Variants in KCNH7 observed in about 807,000 individuals in gnomAD.
KCNH7 encodes the protein potassium voltage-gated channel subfamily H member 7.
KCNH7 carries 49 observed loss-of-function variants against 120.8 expected under a neutral mutation model. The observed-to-expected ratio is 0.41, with a 90% CI of 0.32 to 0.51. The LOEUF (loss-of-function observed/expected upper bound fraction) is 0.51, where lower values mean the gene tolerates loss of function less well. Ranked by LOEUF, KCNH7 falls within the 20% of genes least tolerant of loss-of-function variation. KCNH7 has a pLI of 0.38. For missense variants in KCNH7, 1,097 were observed against 1,446.6 expected (o/e 0.76, Z 3.92); for synonymous variants, 547 against 516.1 (o/e 1.06, Z -0.81).
chr2:162,496,398 C>T (rs775593452), intron 6 of KCNH7, among the ~76,000 whole-genome samples: 3 of 152,046 alleles, frequency 2.0e-5, no homozygotes, highest in South Asian at 4.2e-4. Flanking sequence ...GGCCCGCATG[C>T]GCACTGGGGG....
Position 162,721,718 on chromosome 2 carries a change from CA to C in KCNH7, c.307+114818del, listed in dbSNP as rs1687329860. Among the ~76,000 whole-genome samples the C allele has an allele frequency of 3.9e-5, 6 of 151,954 alleles. No individual in the cohort carries two copies. The South Asian group carries it at 1.2e-3, about 32-fold the overall frequency. On this transcript the variant is annotated intron_variant, in intron 2 of 15. Transcript: ENST00000332142. ...CTAAGTAAATTTTTTACACCAAATT[CA>C]AAGACATTTTGAAGGCCTGAGGTCT... is the stretch of plus-strand genomic sequence containing the variant.
chr2:162,794,808 A>G (rs1684079643), intron 2 of KCNH7, among the ~76,000 whole-genome samples: 1 of 152,026 alleles, frequency 6.6e-6, no homozygotes, highest in South Asian at 2.1e-4. Flanking sequence ...TCAAACTATA[A>G]CATAGTTTAA....
chr2:162,638,872 G>A (rs1302738303), intron 2 of KCNH7, among the ~76,000 whole-genome samples: 1 of 152,242 alleles, frequency 6.6e-6, no homozygotes, highest in African/African-American at 2.4e-5. Flanking sequence ...ATTCACTGGT[G>A]AACTGCAAGC....
At chr2:162,631,272 T>C (rs1035241491) in intron 2 of KCNH7, among the ~76,000 whole-genome samples, 2 of 152,168 alleles carry the variant, frequency 1.3e-5, no homozygotes, top group African/African-American at 4.8e-5. Context: ...ACTCTATTAC[T>C]GACTCTTTAC....
chr2:162,455,674 A>T (rs1688939209), intron 6 of KCNH7, among the ~76,000 whole-genome samples: 1 of 152,066 alleles, frequency 6.6e-6, no homozygotes, highest in African/African-American at 2.4e-5. Flanking sequence ...GGGATGGTGT[A>T]TGTGTCCAGG....
At chr2:162,648,953 A>G (rs1343620095) in intron 2 of KCNH7, among the ~76,000 whole-genome samples, 2 of 152,194 alleles carry the variant, frequency 1.3e-5, no homozygotes, top group South Asian at 2.1e-4. Context: ...ACTTATGTCT[A>G]CATATAAAAT....
chr2:162,420,585 G>A (rs555684762), intron 9 of KCNH7, among the ~76,000 whole-genome samples: 2 of 152,254 alleles, frequency 1.3e-5, no homozygotes, highest in Admixed American at 1.3e-4. Flanking sequence ...AGGGATTAAA[G>A]GATATGGCCA....
Position 162,380,007 on chromosome 2 carries a change from G to T in KCNH7, c.2977C>A (p.Arg993=). 3 of 1,613,890 alleles carry T rather than the reference G, an allele frequency of 1.9e-6. No individual in the cohort carries two copies. The highest frequency in any genetic ancestry group is 2.5e-6 in the Non-Finnish European group (3 of 1,179,864). Residue 993 remains arginine (R), a synonymous_variant, in exon 14 of 16, where the codon CGA becomes AGA. Transcript: ENST00000332142. ...TGTGCATTTTCTCGTTCCCAGCTTC[G>T]CATGTCAGTGATATCTGTGGAAAAT... ...SHSCKDITDM[R]SWERENAHPQ... is the part of the protein sequence containing the mutation.
rs1195986422 is a variant in KCNH7, at chr2:162,517,780, C to A, written c.842G>T (p.Gly281Val). ...TATGTTCTTGGGGTGGACGCCGAATCCTTCTATATCATGGACCGAAGATGC... is the reference window on the plus strand; with the variant it reads ...TATGTTCTTGGGGTGGACGCCGAATACTTCTATATCATGGACCGAAGATGC... ...RRASSVHDIE[G>V]FGVHPKNIFR... Residue 281 changes from glycine (G) to valine (V), a missense_variant, in exon 4 of 16, where the codon GGA becomes GTA. Gly to Val is a moderately radical substitution (Grantham distance 109). Around this residue, in one of 8 missense-constraint regions of KCNH7, gnomAD observed 362 missense variants for 372.2 expected, o/e 0.97. Transcript: ENST00000332142. The A allele has an allele frequency of 1.9e-6, 3 of 1,588,886 alleles. No individual in the cohort carries two copies. The highest frequency in any genetic ancestry group is 2.6e-6 in the Non-Finnish European group (3 of 1,160,226).
At chr2:162,710,408 T>C (rs1023842915) in intron 2 of KCNH7, among the ~76,000 whole-genome samples, 4 of 152,206 alleles carry the variant, frequency 2.6e-5, no homozygotes, top group African/African-American at 4.8e-5. Flanking sequence ...CCCAAGCCTA[T>C]TTATTGTTTG....
At chr2:162,512,493 T>A (rs1159855932) in intron 5 of KCNH7, among the ~76,000 whole-genome samples, 161 bp downstream of exon 5, 1 of 151,764 alleles carries the variant, frequency 6.6e-6, no homozygotes, top group African/African-American at 2.4e-5. Flanking sequence ...AATAACAATG[T>A]CTGTAGCAAA....
At chr2:162,600,261 G>A (rs112415000) in intron 2 of KCNH7, among the ~76,000 whole-genome samples, 7 of 152,138 alleles carry the variant, frequency 4.6e-5, no homozygotes, top group African/African-American at 1.7e-4. Context: ...CTACACTGGG[G>A]CTTAGAGGAA....
At chr2:162,526,042 G>A (rs552252096) in intron 3 of KCNH7, among the ~76,000 whole-genome samples, 5 of 151,918 alleles carry the variant, frequency 3.3e-5, no homozygotes, top group Non-Finnish European at 7.4e-5. Context: ...CGGCCAGTCT[G>A]AGAAATAAAG....
Position 162,371,916 on chromosome 2 carries a change from A to G in KCNH7, c.3504T>C (p.His1168=), listed in dbSNP as rs758195799. Residue 1168 remains histidine, a synonymous_variant, in exon 16 of 16, where the codon CAT becomes CAC. Transcript: ENST00000332142. Reference sequence around the variant, plus strand: ...TTAGGGATGAATCTGGCAAAGAAGGATGCCTAATTGGATGAACGTAAGTTT... The same window carrying G: ...TTAGGGATGAATCTGGCAAAGAAGGGTGCCTAATTGGATGAACGTAAGTTT... The part of the protein sequence containing the change: ...QRKTYVHPIR[H]PSLPDSSLST... 10 of 1,613,878 alleles carry G rather than the reference A, an allele frequency of 6.2e-6. No individual in the cohort carries two copies. The South Asian group carries it at 1.1e-4, about 18-fold the overall frequency.
At chr2:162,463,073 G>A (rs903074989) in intron 6 of KCNH7, among the ~76,000 whole-genome samples, 1 of 151,906 alleles carries the variant, frequency 6.6e-6, no homozygotes, top group Admixed American at 6.6e-5. Context: ...AATCAATTAA[G>A]AGTCTGTAAA....
chr2:162,739,204 A>G (rs1192763735), intron 2 of KCNH7, among the ~76,000 whole-genome samples: 2 of 151,932 alleles, frequency 1.3e-5, no homozygotes, highest in African/African-American at 4.8e-5. Context: ...CCTCCCTTGT[A>G]TGCCTGTTCT....
At chr2:162,522,448 T>C (rs1054124417) in intron 3 of KCNH7, among the ~76,000 whole-genome samples, 5 of 151,864 alleles carry the variant, frequency 3.3e-5, no homozygotes, top group African/African-American at 1.2e-4. Context: ...CCATGTTATA[T>C]TGCATTACAG....
At chr2:162,464,123 T>C (rs1689236720) in intron 6 of KCNH7, among the ~76,000 whole-genome samples, 1 of 152,024 alleles carries the variant, frequency 6.6e-6, no homozygotes, top group African/African-American at 2.4e-5. Flanking sequence ...ACATGAATCA[T>C]CTGAAATAAA....
chr2:162,773,376 T>C lies in KCNH7; in HGVS notation c.307+63161A>G, dbSNP rs1407117403. ...GGTGGCATGCACCTGCAGTCCTAAC[T>C]ACTTGGGAGGCTGAGGCATGAGAAT... On this transcript the variant is annotated intron_variant, in intron 2 of 15. Coordinates refer to ENST00000332142, the MANE Select transcript of KCNH7 (RefSeq NM_033272.4). Among the ~76,000 whole-genome samples the C allele has an allele frequency of 2.0e-5, 3 of 152,108 alleles. No homozygotes were observed. The East Asian group carries it at 5.8e-4, about 30-fold the overall frequency.
Sources: gnomAD v4.1 joint callset for allele counts (sites outside exome capture counted in the v4.1 genomes callset) on GRCh38, gnomAD v4.1.1 for gene constraint, gnomAD v4.1.1 regional missense constraint, MANE v1.5 for transcripts, NCBI Gene and HGNC (gene_info 2026-07-23, HGNC 2026-07-21) for gene names.